The following ERC1 variants were observed in gnomAD, a reference collection of about 807,000 sequenced individuals.
ERC1 encodes the protein ELKS/RAB6-interacting/CAST family member 1, also known as RAB6 interacting protein 2.
ERC1 carries 56 observed loss-of-function variants against 132.0 expected under a neutral mutation model. That is an observed-to-expected ratio of 0.42 (90% CI 0.34 to 0.53). The LOEUF is 0.53. Among genes scored for constraint, ERC1 ranks in the 20% least tolerant of loss-of-function variants. The pLI is 0.03. For synonymous variants in ERC1, 478 were observed against 476.1 expected, an observed-to-expected ratio of 1.00 and a Z score of -0.05; for missense variants, 1,202 against 1,349.9, an observed-to-expected ratio of 0.89 and a Z score of 1.72.
At chr12:1,435,980 C>T (rs999942915) in intron 17 of ERC1, among the ~76,000 whole-genome samples, 3 of 152,216 alleles carry the variant, frequency 2.0e-5, no homozygotes, top group Non-Finnish European at 4.4e-5. Context: ...CTACCACAGG[C>T]TCTAGACACA....
chr12:1,191,161 C>G (rs1445595007), intron 12 of ERC1, among the ~76,000 whole-genome samples: 1 of 152,076 alleles, frequency 6.6e-6, no homozygotes, highest in African/African-American at 2.4e-5. Flanking sequence ...GGTATTAACT[C>G]TACTCATTTT....
intron 18 of ERC1, among the ~76,000 whole-genome samples, chr12:1,482,526 AACACCC>A (rs1189237900): frequency 2.6e-5 from 4 of 152,004 alleles, no homozygotes; most frequent in African/African-American, 7.2e-5. Flanking sequence ...GGCTCACTGC[AACACCC>A]ACCTCTTGGG....
intron 14 of ERC1, among the ~76,000 whole-genome samples, chr12:1,263,709 G>T (rs967213338): frequency 4.6e-5 from 7 of 151,430 alleles, no homozygotes; most frequent in African/African-American, 1.7e-4. Flanking sequence ...ATTTTTTTGA[G>T]ACAAAATCTT....
intron 2 of ERC1, among the ~76,000 whole-genome samples, chr12:1,037,859 A>G (rs1184267428): frequency 6.6e-6 from 1 of 152,016 alleles, no homozygotes; most frequent in Non-Finnish European, 1.5e-5. Flanking sequence ...CCTGGCTAAC[A>G]TGGTGAAACC....
intron 18 of ERC1, among the ~76,000 whole-genome samples, chr12:1,468,516 C>T (rs1354348666): frequency 6.6e-6 from 1 of 152,056 alleles, no homozygotes; most frequent in Non-Finnish European, 1.5e-5. Flanking sequence ...GCAGGAGAAT[C>T]GCTAGAACCC....
chr12:1,120,138 C>T (rs1946914856), intron 7 of ERC1, among the ~76,000 whole-genome samples: 1 of 151,994 alleles, frequency 6.6e-6, no homozygotes, highest in African/African-American at 2.4e-5. Context: ...CAGATGCAGG[C>T]CACCTCTCCT....
At chr12:1,310,249 A>G (rs1467975443) in intron 15 of ERC1, among the ~76,000 whole-genome samples, 2 of 90,934 alleles carry the variant, frequency 2.2e-5, no homozygotes, top group Non-Finnish European at 5.0e-5. Flanking sequence ...ATTTTGAGGA[A>G]CAGTTTTGCT....
intron 3 of ERC1, among the ~76,000 whole-genome samples, chr12:1,091,556 G>C (rs750414640): frequency 6.6e-6 from 1 of 152,142 alleles, no homozygotes; most frequent in African/African-American, 2.4e-5. Flanking sequence ...CACTTATCAC[G>C]TATTTACTGG....
rs1945720418 is a variant in ERC1, at chr12:1,110,362, G to A, written c.1317+15G>A. The stretch of plus-strand genomic sequence containing the variant: ...TGAAAAATAAGGTAATGGCATGTGA[G>A]ACTTTTGATTCTTAAAAGGAGTTTG... On this transcript the variant is annotated intron_variant, in intron 5 of 18. Coordinates refer to ENST00000360905, the MANE Select transcript of ERC1 (RefSeq NM_178040.4). The A allele has an allele frequency of 6.3e-7, 1 of 1,575,796 alleles. No individual in the cohort carries two copies. Among genetic ancestry groups the A allele is most frequent in the Non-Finnish European group, 8.6e-7 (1 of 1,163,098 alleles).
chr12:1,423,137 C>A (rs1181617832), intron 17 of ERC1, among the ~76,000 whole-genome samples: 1 of 152,198 alleles, frequency 6.6e-6, no homozygotes, highest in Non-Finnish European at 1.5e-5. Context: ...TAGGGGCTTT[C>A]CAATACTCAA....
At chr12:1,038,068 A>G (rs1969445376) in intron 2 of ERC1, among the ~76,000 whole-genome samples, 1 of 152,030 alleles carries the variant, frequency 6.6e-6, no homozygotes, top group Non-Finnish European at 1.5e-5. Context: ...GAAAAAGAAA[A>G]AAACTATTTC....
intron 15 of ERC1, among the ~76,000 whole-genome samples, chr12:1,329,761 A>G (rs1207143673): frequency 6.6e-6 from 1 of 152,248 alleles, no homozygotes; most frequent in Non-Finnish European, 1.5e-5. Flanking sequence ...AATTAGGGTT[A>G]TGTCAGAGGT....
intron 3 of ERC1, among the ~76,000 whole-genome samples, chr12:1,102,322 AGAG>A (rs1381347892): frequency 6.6e-6 from 1 of 152,202 alleles, no homozygotes; most frequent in Non-Finnish European, 1.5e-5. Flanking sequence ...GAACAGATAG[AGAG>A]GAGAAGTAAT....
chr12:1,104,621 G>A (rs933434742), intron 3 of ERC1, 129 bp from the exon 4 acceptor site: 2 of 661,896 alleles, frequency 3.0e-6, no homozygotes, highest in Non-Finnish European at 5.5e-6. Flanking sequence ...GGAAAGGTTG[G>A]TAACACAGAA....
intron 16 of ERC1, among the ~76,000 whole-genome samples, chr12:1,395,884 TG>T (rs1464992863): frequency 2.1e-4 from 32 of 151,914 alleles, no homozygotes; most frequent in South Asian, 1.2e-3. Context: ...CCATAAATGG[TG>T]ATGTGCCCAA....
intron 14 of ERC1, among the ~76,000 whole-genome samples, chr12:1,285,462 C>T (rs1490280916): frequency 1.3e-5 from 2 of 151,984 alleles, no homozygotes; most frequent in African/African-American, 4.8e-5. Flanking sequence ...AAAAATGGCA[C>T]AATGAACAAT....
At chr12:1,444,330 C>A in intron 17 of ERC1, 1 of 396,422 alleles carries the variant, frequency 2.5e-6, no homozygotes, top group Non-Finnish European at 4.5e-6. Flanking sequence ...TATATGAAGC[C>A]AGCGTTCTCT....
intron 14 of ERC1, among the ~76,000 whole-genome samples, chr12:1,284,265 CGTGTGTGTGTGTGTGTGTGTGTGTGT>C (rs71055142): frequency 2.9e-5 from 4 of 140,082 alleles, no homozygotes; most frequent in South Asian, 2.4e-4. Context: ...GAATAGTATT[CGTGTGTGTGTGTGTGTGTGTGTGTGT>C]GTGTGTGTGT....
At chr12:1,333,079 C>T (rs1360739516) in intron 15 of ERC1, among the ~76,000 whole-genome samples, 1 of 147,782 alleles carries the variant, frequency 6.8e-6, no homozygotes, top group African/African-American at 2.6e-5. Context: ...TCCTGATCCT[C>T]GTCCTGATCC....
Sources: gnomAD v4.1 joint callset for allele counts (sites outside exome capture counted in the v4.1 genomes callset) on GRCh38, gnomAD v4.1.1 for gene constraint, MANE v1.5 for transcripts, NCBI Gene and HGNC (gene_info 2026-07-23, HGNC 2026-07-21) for gene names.